Variants in COL4A6 observed in about 807,000 individuals in gnomAD.
COL4A6 encodes the protein collagen type IV alpha 6 chain, also known as collagen alpha-6(IV) chain.
A neutral mutation model predicts 126.7 loss-of-function variants in COL4A6; 59 were observed. The observed-to-expected ratio is 0.47, with a 90% CI of 0.38 to 0.58. The LOEUF (loss-of-function observed/expected upper bound fraction) is 0.58, where lower values mean the gene tolerates loss of function less well. Among genes scored for constraint, COL4A6 ranks in the 20% least tolerant of loss-of-function variants. COL4A6 has a pLI of 0.00. For missense variants in COL4A6, 1,285 were observed against 1,337.3 expected, an observed-to-expected ratio of 0.96 and a Z score of 0.61; for synonymous variants, 547 against 496.6, an observed-to-expected ratio of 1.10 and a Z score of -1.35.
chrX:108,160,585 G>T lies in COL4A6; in HGVS notation c.4403C>A (p.Thr1468Lys). The T allele has an allele frequency of 8.3e-7, 1 of 1,211,631 alleles. No homozygotes were observed. Among genetic ancestry groups the T allele is most frequent in the Non-Finnish European group, 1.1e-6 (1 of 895,389 alleles). Reference protein sequence around the residue: ...MPGQSMRVGYTLVKHSQSEQV... With the variant: ...MPGQSMRVGYKLVKHSQSEQV... ...TTCCGACTGGCTGTGCTTTACCAACGTGTAGCCCACTCTCATGCTCTGGCC... is the reference window on the plus strand; with the variant it reads ...TTCCGACTGGCTGTGCTTTACCAACTTGTAGCCCACTCTCATGCTCTGGCC... Residue 1468 changes from threonine to lysine, a missense_variant, in exon 43 of 45, where the codon ACG (threonine) becomes AAG (lysine). Transcript: ENST00000334504.
chrX:108,295,369 G>A (rs184745806), intron 3 of COL4A6, among the ~76,000 whole-genome samples: 366 of 112,217 alleles, frequency 3.3e-3, no homozygotes, highest in Non-Finnish European at 5.6e-3. Context: ...ACAAATAATA[G>A]TAGAACTGCC....
At chrX:108,312,287 A>C (rs2038782091) in intron 2 of COL4A6, among the ~76,000 whole-genome samples, 1 of 112,110 alleles carries the variant, frequency 8.9e-6, no homozygotes, top group South Asian at 3.7e-4. Flanking sequence ...CATTCCCACA[A>C]CACTTTATCA....
At chrX:108,409,558 C>T (rs73533260) in intron 2 of COL4A6, among the ~76,000 whole-genome samples, 8,076 of 111,277 alleles carry the variant, frequency 0.073, 638 homozygotes, top group African/African-American at 0.23. Context: ...TGCAAAGTCT[C>T]ACTGCTAGGA....
intron 2 of COL4A6, among the ~76,000 whole-genome samples, chrX:108,348,034 G>C (rs1406518758): frequency 2.7e-5 from 3 of 111,145 alleles, no homozygotes; most frequent in African/African-American, 9.8e-5. Context: ...GGATGACCTC[G>C]GGTCTCAGAG....
chrX:108,297,468 C>T (rs1397740625), intron 3 of COL4A6, among the ~76,000 whole-genome samples: 1 of 111,016 alleles, frequency 9.0e-6, no homozygotes, highest in Non-Finnish European at 1.9e-5. Context: ...GCATCCCTGT[C>T]CTCTACCCAC....
chrX:108,363,160 T>C (rs2040125012), intron 2 of COL4A6, among the ~76,000 whole-genome samples: 1 of 112,067 alleles, frequency 8.9e-6, no homozygotes, highest in Admixed American at 9.5e-5. Context: ...TGTGTCGTAC[T>C]GGAAGGGGCA....
intron 2 of COL4A6, among the ~76,000 whole-genome samples, chrX:108,348,428 C>T (rs1479239364): frequency 1.8e-5 from 2 of 110,894 alleles, no homozygotes; most frequent in Non-Finnish European, 3.8e-5. Flanking sequence ...AATATGTTAG[C>T]CATGTTTACC....
chrX:108,163,162 C>T (rs1236488364), intron 40 of COL4A6, 124 bp from the exon 41 acceptor site: 24 of 572,184 alleles, frequency 4.2e-5, no homozygotes, highest in Middle Eastern at 5.5e-4. Context: ...CCACAGGATA[C>T]CCGGGTATCT....
intron 2 of COL4A6, among the ~76,000 whole-genome samples, chrX:108,357,541 C>T (rs1359690630): frequency 1.8e-5 from 2 of 111,517 alleles, no homozygotes; most frequent in East Asian, 5.6e-4. Context: ...AAAAAAACTG[C>T]TTCTGTGATT....
At chrX:108,372,838 T>G (rs961940938) in intron 2 of COL4A6, among the ~76,000 whole-genome samples, 1 of 112,289 alleles carries the variant, frequency 8.9e-6, no homozygotes, top group African/African-American at 3.2e-5. Flanking sequence ...AAATCAACCC[T>G]ATTTAGTATG....
At chrX:108,190,346 C>T (rs369753879) in intron 20 of COL4A6, 46 bp downstream of exon 20, 53 of 948,300 alleles carry the variant, frequency 5.6e-5, no homozygotes, top group Middle Eastern at 2.7e-4. Context: ...AGGAAGCCTT[C>T]TCTAAGGAGT....
chrX:108,425,368 A>T (rs1339605895), intron 2 of COL4A6, among the ~76,000 whole-genome samples: 1 of 110,998 alleles, frequency 9.0e-6, no homozygotes, highest in Non-Finnish European at 1.9e-5. Flanking sequence ...TCACCCCATG[A>T]TGTTCACTAT....
chrX:108,187,988 T>G lies in COL4A6; in HGVS notation c.1627A>C (p.Lys543Gln). The change falls in exon 22 of 45, where the codon AAG (lysine) becomes CAG (glutamine). Residue 543 changes from lysine (K) to glutamine (Q), a missense_variant. Transcript: ENST00000334504. ...GPLGPSGPKG[K>Q]KGEPILSTIQ... ...GTACTGAGAATTGGTTCCCCCTTCT[T>G]TCCTTTGGGTCCTGAAGGACCCAGA... is the stretch of plus-strand genomic sequence containing the variant. 1.7e-6 allele frequency: 2 copies of G among 1,202,983 alleles called. No homozygotes were observed. The highest frequency in any genetic ancestry group is 2.2e-6 in the Non-Finnish European group (2 of 889,938).
chrX:108,179,292 G>A lies in COL4A6; in HGVS notation c.2278C>T (p.Pro760Ser), dbSNP rs775535524. ...GDIFGAENGA[P>S]GEQGLQGLTG... ...AATCCTTGTAGGCCTTGTTCCCCCG[G>A]AGCACCATTTTCAGCACCAAAGATG... Residue 760 changes from proline to serine, a missense_variant, in exon 26 of 45, where the codon CCG becomes TCG. Physicochemically the swap from Pro to Ser is moderately conservative, Grantham distance 74 (BLOSUM62 -1). Coordinates refer to ENST00000334504, the MANE Select transcript of COL4A6 (RefSeq NM_033641.4). 1.2e-5 allele frequency: 14 copies of A among 1,211,280 alleles called. No homozygotes were observed. Among genetic ancestry groups the A allele is most frequent in the Non-Finnish European group, 1.2e-5 (11 of 895,420 alleles).
At chrX:108,309,447 A>C (rs1233902234) in intron 3 of COL4A6, among the ~76,000 whole-genome samples, 3 of 111,297 alleles carry the variant, frequency 2.7e-5, no homozygotes, top group African/African-American at 9.8e-5. Context: ...TAAGATGTGA[A>C]GCTTACTAAG....
intron 2 of COL4A6, among the ~76,000 whole-genome samples, chrX:108,396,476 G>A (rs2040966761): frequency 9.0e-6 from 1 of 111,588 alleles, no homozygotes; most frequent in African/African-American, 3.3e-5. Flanking sequence ...TCGGGACAGA[G>A]GTGCTCTCTC....
intron 3 of COL4A6, among the ~76,000 whole-genome samples, chrX:108,222,632 T>C (rs1441077528): frequency 1.8e-5 from 2 of 111,738 alleles, no homozygotes; most frequent in African/African-American, 6.5e-5. Context: ...AAGTAAAAGA[T>C]GCTCTGTCCA....
intron 3 of COL4A6, among the ~76,000 whole-genome samples, chrX:108,280,209 G>C (rs1182447754): frequency 9.0e-6 from 1 of 111,349 alleles, no homozygotes; most frequent in Non-Finnish European, 1.9e-5. Context: ...CCAAGAGCTG[G>C]TTTTTTGAAA....
chrX:108,301,222 G>C (rs1224879880), intron 3 of COL4A6, among the ~76,000 whole-genome samples: 1 of 112,109 alleles, frequency 8.9e-6, no homozygotes, highest in Admixed American at 9.5e-5. Flanking sequence ...TACAGTCAGT[G>C]GCCTACATAA....
Sources: gnomAD v4.1 joint callset for allele counts (sites outside exome capture counted in the v4.1 genomes callset) on GRCh38, gnomAD v4.1.1 for gene constraint, MANE v1.5 for transcripts, NCBI Gene and HGNC (gene_info 2026-07-23, HGNC 2026-07-21) for gene names.